The following ROR1 variants were observed in gnomAD, a reference collection of about 807,000 sequenced individuals.
ROR1 encodes inactive tyrosine-protein kinase transmembrane receptor ROR1.
ROR1 carries 19 observed loss-of-function variants against 78.8 expected under a neutral mutation model. That is an observed-to-expected ratio of 0.24 (90% CI 0.17 to 0.35). ROR1 has a LOEUF of 0.35. Ranked by LOEUF, ROR1 falls within the 10% of genes least tolerant of loss-of-function variation. ROR1 has a pLI of 1.00. For missense variants in ROR1, 917 were observed against 1,177.8 expected, an observed-to-expected ratio of 0.78 and a Z score of 3.24; for synonymous variants, 386 against 433.6, an observed-to-expected ratio of 0.89 and a Z score of 1.36.
intron 1 of ROR1, among the ~76,000 whole-genome samples, chr1:63,960,561 C>T (rs946363585): frequency 3.9e-5 from 6 of 152,088 alleles, no homozygotes; most frequent in African/African-American, 1.4e-4. Context: ...AAAGATGAGC[C>T]GGAGACCTCA....
intron 1 of ROR1, among the ~76,000 whole-genome samples, chr1:63,828,198 G>C (rs184744663): frequency 6.6e-6 from 1 of 152,152 alleles, no homozygotes; most frequent in African/African-American, 2.4e-5. Flanking sequence ...ACTGTGTAAT[G>C]TGAATGCAAT....
intron 1 of ROR1, among the ~76,000 whole-genome samples, chr1:63,877,968 C>G (rs1474961043): frequency 2.0e-5 from 3 of 152,168 alleles, no homozygotes; most frequent in African/African-American, 7.2e-5. Flanking sequence ...TTCTTAACCT[C>G]AAGCCTGGAT....
intron 1 of ROR1, among the ~76,000 whole-genome samples, chr1:63,783,908 G>T (rs940052613): frequency 5.3e-5 from 8 of 152,130 alleles, no homozygotes; most frequent in Non-Finnish European, 1.0e-4. Flanking sequence ...AGGAAACTGA[G>T]GCACAGAGAA....
intron 1 of ROR1, among the ~76,000 whole-genome samples, chr1:63,955,956 A>G (rs1645978786): frequency 6.6e-6 from 1 of 152,140 alleles, no homozygotes; most frequent in East Asian, 1.9e-4. Flanking sequence ...TTGAGTACTT[A>G]TATGGGAAGA....
At chr1:63,824,233 G>A (rs1478315313) in intron 1 of ROR1, among the ~76,000 whole-genome samples, 1 of 152,150 alleles carries the variant, frequency 6.6e-6, no homozygotes, top group East Asian at 1.9e-4. Context: ...AGTCTGGATA[G>A]TAAAGATTTC....
chr1:64,088,139 T>C (rs181287915), intron 4 of ROR1, among the ~76,000 whole-genome samples: 95 of 152,340 alleles, frequency 6.2e-4, no homozygotes, highest in African/African-American at 2.2e-3. Context: ...TCAGTCTCTT[T>C]GCTCAAAAGA....
intron 1 of ROR1, among the ~76,000 whole-genome samples, chr1:63,899,362 T>C (rs1034540345): frequency 6.6e-6 from 1 of 152,220 alleles, no homozygotes; most frequent in Non-Finnish European, 1.5e-5. Context: ...CCTTGCCATA[T>C]ACACAGTGGA....
intron 1 of ROR1, among the ~76,000 whole-genome samples, chr1:63,978,276 G>A (rs1276151773): frequency 6.6e-6 from 1 of 152,196 alleles, no homozygotes; most frequent in African/African-American, 2.4e-5. Flanking sequence ...ATTTGTTTCA[G>A]GAGATTGTTT....
chr1:63,956,436 G>T (rs1194033383), intron 1 of ROR1, among the ~76,000 whole-genome samples: 1 of 152,172 alleles, frequency 6.6e-6, no homozygotes, highest in African/African-American at 2.4e-5. Context: ...AAGCTAACTC[G>T]TAGGGTCATT....
At chr1:63,848,770 C>T (rs600185) in intron 1 of ROR1, among the ~76,000 whole-genome samples, 31,861 of 151,930 alleles carry the variant, frequency 0.21, 7,048 homozygotes, top group African/African-American at 0.56. Flanking sequence ...CTGTATATTC[C>T]CCTATAATGG....
At chr1:63,923,983 T>G (rs943205729) in intron 1 of ROR1, among the ~76,000 whole-genome samples, 6 of 152,032 alleles carry the variant, frequency 3.9e-5, no homozygotes, top group African/African-American at 1.4e-4. Flanking sequence ...GATCTTTGCA[T>G]AGCTGGAAAT....
At chr1:64,164,616 A>G (rs1463376378) in intron 8 of ROR1, among the ~76,000 whole-genome samples, 1 of 152,054 alleles carries the variant, frequency 6.6e-6, no homozygotes, top group Non-Finnish European at 1.5e-5. Flanking sequence ...CTTTTATTTT[A>G]AGTTAAGGTG....
At chr1:63,984,099 T>G (rs1557595080) in intron 1 of ROR1, among the ~76,000 whole-genome samples, 1 of 152,186 alleles carries the variant, frequency 6.6e-6, no homozygotes, top group East Asian at 1.9e-4. Context: ...TTCCTAGTTT[T>G]GCCACAGAAA....
chr1:63,900,329 C>G (rs1386527784), intron 1 of ROR1, among the ~76,000 whole-genome samples: 1 of 151,786 alleles, frequency 6.6e-6, no homozygotes, highest in Non-Finnish European at 1.5e-5. Flanking sequence ...TGGCAGGCAC[C>G]TGTAGTCCCA....
chr1:63,811,613 C>T (rs770271146), intron 1 of ROR1, among the ~76,000 whole-genome samples: 28 of 152,142 alleles, frequency 1.8e-4, no homozygotes, highest in Admixed American at 6.5e-4. Context: ...AGGAAGGACC[C>T]TGGCCTTTGG....
chr1:63,902,481 C>T (rs1645493374), intron 1 of ROR1, among the ~76,000 whole-genome samples: 1 of 150,340 alleles, frequency 6.7e-6, no homozygotes, highest in African/African-American at 2.5e-5. Flanking sequence ...CCATGCCCAG[C>T]TATTTTTTTT....
intron 1 of ROR1, among the ~76,000 whole-genome samples, chr1:64,000,914 G>A (rs1646377521): frequency 6.6e-6 from 1 of 152,104 alleles, no homozygotes; most frequent in Admixed American, 6.6e-5. Context: ...TAGAGCCATG[G>A]CTTATTTTAA....
intron 8 of ROR1, among the ~76,000 whole-genome samples, chr1:64,161,498 T>G (rs11208374): frequency 0.33 from 50,168 of 152,076 alleles, 8,696 homozygotes; most frequent in Middle Eastern, 0.42. Flanking sequence ...CATGGCAGTC[T>G]CTGAATGATG....
intron 7 of ROR1, among the ~76,000 whole-genome samples, chr1:64,155,288 G>C (rs1281432099): frequency 6.6e-6 from 1 of 152,162 alleles, no homozygotes; most frequent in Non-Finnish European, 1.5e-5. Context: ...ATTGTTCTAT[G>C]GAATATTTTT....
Sources: gnomAD v4.1 joint callset for allele counts (sites outside exome capture counted in the v4.1 genomes callset) on GRCh38, gnomAD v4.1.1 for gene constraint, MANE v1.5 for transcripts, NCBI Gene and HGNC (gene_info 2026-07-23, HGNC 2026-07-21) for gene names.